Variants in APBB2 observed in about 807,000 individuals in gnomAD.
APBB2 encodes the protein amyloid beta precursor protein binding family B member 2, also known as Fe65-like 1.
In APBB2, 38 loss-of-function variants were observed where a neutral mutation model predicts 82.5. The observed-to-expected ratio is 0.46, with a 90% CI of 0.36 to 0.60. The LOEUF (loss-of-function observed/expected upper bound fraction) is 0.60, where lower values mean the gene tolerates loss of function less well. Ranked by LOEUF, APBB2 falls within the 20% of genes least tolerant of loss-of-function variation. The probability of loss-of-function intolerance (pLI) is 0.00; values close to 1 mark genes in which losing one functional copy is unlikely to be tolerated. For synonymous variants in APBB2, 341 were observed against 368.2 expected (o/e 0.93, Z 0.85); for missense variants, 772 against 972.3 (o/e 0.79, Z 2.74).
Position 41,106,229 on chromosome 4 carries a change from A to G in APBB2, c.-260-5479T>C, listed in dbSNP as rs537860980. Among the ~76,000 whole-genome samples, 26 of 152,312 alleles carry G rather than the reference A, an allele frequency of 1.7e-4. No individual in the cohort carries two copies. The East Asian group carries it at 4.8e-3, about 28-fold the overall frequency. ...ACTATATTCTCAGGCTCTCTAAGTC[A>G]CTTCTGGGGCAGAATTCCAATGTTA... On this transcript the variant is annotated intron_variant, in intron 2 of 17. Coordinates refer to ENST00000508593, the MANE Select transcript of APBB2 (RefSeq NM_004307.2).
At chr4:40,821,673 T>C (rs1747983015) in intron 17 of APBB2, among the ~76,000 whole-genome samples, 198 bp downstream of exon 17, 1 of 152,172 alleles carries the variant, frequency 6.6e-6, no homozygotes, top group Non-Finnish European at 1.5e-5. Flanking sequence ...CCCACTTCTT[T>C]CAGGAGTTCT....
In APBB2 at chr4:40,826,373, GT is replaced by G. The variant is rs148222536; in HGVS notation, c.1733-404del. Among the ~76,000 whole-genome samples, 76 of 146,058 alleles carry G rather than the reference GT, an allele frequency of 5.2e-4. No homozygotes were observed. Among genetic ancestry groups the G allele is most frequent in the South Asian group, 1.1e-3 (5 of 4,538 alleles). On this transcript the variant is annotated intron_variant, in intron 14 of 17. Transcript: ENST00000508593. This position sits in a 1 kb window ranked among gnomAD's most constrained non-coding sequence, Gnocchi z 4.5. The stretch of plus-strand genomic sequence containing the variant: ...TGAGTTCCCCCAGTAATCAACCCAC[GT>G]TTTTTTTTTTTTAGAGACAAGAGTC...
At chr4:41,102,945 G>T (rs1745973560) in intron 2 of APBB2, among the ~76,000 whole-genome samples, 1 of 152,110 alleles carries the variant, frequency 6.6e-6, no homozygotes, top group African/African-American at 2.4e-5. Context: ...CCTCTCCTAA[G>T]CACTGTGAGT....
chr4:41,169,325 TTAC>T (rs1344577728), intron 1 of APBB2, among the ~76,000 whole-genome samples: 1 of 151,628 alleles, frequency 6.6e-6, no homozygotes, highest in Non-Finnish European at 1.5e-5. Flanking sequence ...ATTCCAAACA[TTAC>T]CTAAAACTAC....
chr4:41,006,066 C>CGT (rs1440758595), intron 6 of APBB2, among the ~76,000 whole-genome samples: 9 of 152,318 alleles, frequency 5.9e-5, no homozygotes, highest in Non-Finnish European at 1.0e-4. Context: ...TGAAGTACCT[C>CGT]GTATGATACC....
intron 6 of APBB2, among the ~76,000 whole-genome samples, chr4:40,993,928 C>T (rs1802875945): frequency 6.6e-6 from 1 of 152,024 alleles, no homozygotes; most frequent in African/African-American, 2.4e-5. Context: ...ATGCAGGTTC[C>T]TGAGACCCAC....
chr4:41,130,279 T>G (rs2154005223), intron 2 of APBB2, among the ~76,000 whole-genome samples: 1 of 152,304 alleles, frequency 6.6e-6, no homozygotes, highest in Non-Finnish European at 1.5e-5. Flanking sequence ...AGCTGCAGCT[T>G]GGTCATTATC....
chr4:40,857,171 C>T (rs1343121072), intron 12 of APBB2: 1 of 985,436 alleles, frequency 1.0e-6, no homozygotes, highest in Non-Finnish European at 1.2e-6. Flanking sequence ...GAGCGGCGCC[C>T]GCGCCTCCCT....
At chr4:40,829,510 T>A (rs2437347) in intron 13 of APBB2, among the ~76,000 whole-genome samples, 2 of 152,030 alleles carry the variant, frequency 1.3e-5, no homozygotes, top group East Asian at 3.9e-4. Flanking sequence ...CAAAGAGAAT[T>A]GGGGGACCTT....
chr4:41,193,183 A>G (rs571732792), intron 1 of APBB2, among the ~76,000 whole-genome samples: 1 of 152,366 alleles, frequency 6.6e-6, no homozygotes, highest in East Asian at 1.9e-4. Context: ...TAACCAAAGC[A>G]TATTTATTTA....
chr4:40,832,291 G>A lies in APBB2; in HGVS notation c.1530-1714C>T, dbSNP rs909636523. ...GGCAACTGGCCATCGTGAAGGTCTG[G>A]CCGGAAAACCCTGCCTCGCAACCTC... On this transcript the variant is annotated intron_variant, in intron 12 of 17. Transcript: ENST00000508593. This position sits in a 1 kb window ranked among gnomAD's most constrained non-coding sequence, Gnocchi z 4.8. Among the ~76,000 whole-genome samples, 1 of 152,142 alleles carries A rather than the reference G, an allele frequency of 6.6e-6. No homozygotes were observed. Among genetic ancestry groups the A allele is most frequent in the Non-Finnish European group, 1.5e-5 (1 of 68,018 alleles).
intron 15 of APBB2, among the ~76,000 whole-genome samples, chr4:40,824,940 G>C (rs560622561): frequency 2.0e-5 from 3 of 152,102 alleles, no homozygotes; most frequent in Non-Finnish European, 4.4e-5. Context: ...GCCTATTTTG[G>C]GCGTTTCATA....
In APBB2 at chr4:41,088,908, G is replaced by A. The variant is rs1424912839; in HGVS notation, c.-149+11731C>T. On this transcript the variant is annotated intron_variant, in intron 3 of 17. Coordinates refer to ENST00000508593, the MANE Select transcript of APBB2 (RefSeq NM_004307.2). ...GCTTAGCAGGGTGTGCAATGAAAAT[G>A]GGAATCTTTGAGACAGCTATCAAGG... Among the ~76,000 whole-genome samples the A allele has an allele frequency of 2.0e-5, 3 of 152,210 alleles. 1 individual carries two copies. The highest frequency in any genetic ancestry group is 7.2e-5 in the African/African-American group (3 of 41,448).
intron 3 of APBB2, among the ~76,000 whole-genome samples, chr4:41,082,963 G>C (rs1738206752): frequency 6.6e-6 from 1 of 152,014 alleles, no homozygotes; most frequent in Non-Finnish European, 1.5e-5. Context: ...AGGAGATCGA[G>C]ACCATCCTAG....
At chr4:41,097,037 C>T (rs781487354) in intron 3 of APBB2, among the ~76,000 whole-genome samples, 1 of 152,310 alleles carries the variant, frequency 6.6e-6, no homozygotes, top group African/African-American at 2.4e-5. Flanking sequence ...CTGTAGTTTG[C>T]TCCATAAATA....
rs1291097499 is a variant in APBB2 at position 41,100,763 on chromosome 4, T to C, written c.-260-13A>G. ...CAAAGAGATCGATCTAGAAAGTGTG[T>C]AGAGACAAAAATTTTAAATTCAAAA... On this transcript the variant is annotated splice_polypyrimidine_tract_variant and intron_variant, in intron 2 of 17. Coordinates refer to ENST00000508593, the MANE Select transcript of APBB2 (RefSeq NM_004307.2). 3.9e-5 allele frequency: 6 copies of C among 152,138 alleles called. No homozygotes were observed. In the East Asian group the frequency reaches 7.7e-4, roughly 20 times the overall value. 9.4% of individuals were successfully genotyped at this position (152,138 alleles called of 1,614,324 possible).
Position 40,821,745 on chromosome 4 carries a change from T to C in APBB2, c.2112+126A>G, listed in dbSNP as rs1449333684. ...TCTGGCCCTAGGAATGACGGCGTTA[T>C]AAAGTAAAGCATTACTTTAGGGATT... On this transcript the variant is annotated intron_variant, in intron 17 of 17. Coordinates refer to ENST00000508593, the MANE Select transcript of APBB2 (RefSeq NM_004307.2). 4 of 1,104,172 alleles carry C rather than the reference T, an allele frequency of 3.6e-6. No individual in the cohort carries two copies. In the African/African-American group the frequency reaches 4.7e-5, roughly 13 times the overall value. 68.4% of individuals were successfully genotyped at this position (1,104,172 alleles called of 1,614,324 possible).
intron 6 of APBB2, among the ~76,000 whole-genome samples, chr4:40,972,286 G>C (rs1796110663): frequency 6.6e-6 from 1 of 152,016 alleles, no homozygotes; most frequent in South Asian, 2.1e-4. Context: ...AAATTAGCCA[G>C]GCGTGGTGGC....
In APBB2 at chr4:41,159,955, GAGAAGGAGA is replaced by G. The variant is rs1255072761; in HGVS notation, c.-416-16822_-416-16814del. The stretch of plus-strand genomic sequence containing the variant: ...GGAGGAGGAGGAGGAGAAGGAGAAG[GAGAAGGAGA>G]AGAAGAAGAAGAAGAAGAAGAAGAA... On this transcript the variant is annotated intron_variant, in intron 1 of 17. Transcript: ENST00000508593. Among the ~76,000 whole-genome samples the G allele has an allele frequency of 3.5e-3, 170 of 48,746 alleles. 3 individuals are homozygous for G. Among genetic ancestry groups the G allele is most frequent in the South Asian group, 5.2e-3 (6 of 1,160 alleles). 32.0% of individuals were successfully genotyped at this position (48,746 alleles called of 152,430 possible).
Sources: allele counts gnomAD v4.1 joint callset (sites outside exome capture counted in the v4.1 genomes callset), GRCh38; gene constraint gnomAD v4.1.1; non-coding constraint Gnocchi (gnomAD v3.1); transcripts MANE v1.5; gene names NCBI Gene and HGNC (gene_info 2026-07-23, HGNC 2026-07-21).